TMEM101: variants seen among roughly 807,000 people sequenced by gnomAD.
TMEM101 encodes the protein transmembrane protein 101.
Under a neutral mutation model 26.0 loss-of-function variants are expected in TMEM101, and 14 were observed. The observed-to-expected ratio is 0.54, with a 90% CI of 0.36 to 0.84. TMEM101 has a LOEUF of 0.84. TMEM101 is among the 40% of genes least tolerant of loss of function. The pLI is 0.01. For missense variants in TMEM101, 292 were observed against 345.1 expected, an observed-to-expected ratio of 0.85 and a Z score of 1.22; for synonymous variants, 152 against 145.1, an observed-to-expected ratio of 1.05 and a Z score of -0.34.
chr17:44,015,120 C>T (rs1165487481), upstream of TMEM101: 2 of 851,994 alleles, frequency 2.3e-6, no homozygotes, highest in Non-Finnish European at 3.5e-6. Context: ...CCAGCCTTCT[C>T]GTCTGCTCAT....
intron 1 of TMEM101, 49 bp from the exon 2 acceptor site, chr17:44,014,586 G>T: frequency 6.4e-7 from 1 of 1,557,160 alleles, no homozygotes. Flanking sequence ...AAGCGGTGGG[G>T]GAAGAAGCTT....
intron 2 of TMEM101, among the ~76,000 whole-genome samples, chr17:44,014,100 T>C (rs2049195290): frequency 6.6e-6 from 1 of 152,184 alleles, no homozygotes; most frequent in South Asian, 2.1e-4. Context: ...GTCCCACCAG[T>C]ATCCTGTATT....
intron 2 of TMEM101, 80 bp downstream of exon 2, chr17:44,014,277 C>A: frequency 1.4e-6 from 2 of 1,468,678 alleles, no homozygotes; most frequent in South Asian, 1.3e-5. Flanking sequence ...CACCATTCAT[C>A]GCCCACCAAC....
At chr17:44,020,069 T>G (rs1412565939) in intron 2 of TMEM101, among the ~76,000 whole-genome samples, 1 of 152,198 alleles carries the variant, frequency 6.6e-6, no homozygotes, top group East Asian at 1.9e-4. Flanking sequence ...TGTTTGAATT[T>G]GTTGCTGAAG....
At chr17:44,017,709 G>A (rs1035261747), upstream of TMEM101, among the ~76,000 whole-genome samples, 2 of 150,950 alleles carry the variant, frequency 1.3e-5, no homozygotes, top group Non-Finnish European at 2.9e-5. Flanking sequence ...GTTGGAGTGA[G>A]CCAAGTTCGC....
chr17:44,014,766 C>A (rs1381511061), intron 1 of TMEM101, 50 bp downstream of exon 1: 12 of 1,523,140 alleles, frequency 7.9e-6, no homozygotes, highest in Admixed American at 2.2e-5. Flanking sequence ...CAATTTCTTG[C>A]CCACATCACC....
At chr17:44,014,592 A>G in intron 1 of TMEM101, 55 bp from the exon 2 acceptor site, 3 of 1,555,704 alleles carry the variant, frequency 1.9e-6, no homozygotes, top group Non-Finnish European at 2.6e-6. Flanking sequence ...TGGGGGAAGA[A>G]GCTTGAGACC....
chr17:44,013,286 G>A, intron 2 of TMEM101, 131 bp from the exon 3 acceptor site: 1 of 848,888 alleles, frequency 1.2e-6, no homozygotes, highest in Non-Finnish European at 1.6e-6. Flanking sequence ...TTCCAAGCTT[G>A]GTGGGCAGGT....
At chr17:44,020,288 G>A (rs890890595) in intron 2 of TMEM101, among the ~76,000 whole-genome samples, 1 of 152,200 alleles carries the variant, frequency 6.6e-6, no homozygotes, top group African/African-American at 2.4e-5. Flanking sequence ...CATACCTAGA[G>A]GGCCCCCCAG....
intron 1 of TMEM101, among the ~76,000 whole-genome samples, chr17:44,022,188 A>G (rs1322062253): frequency 4.6e-5 from 7 of 152,182 alleles, no homozygotes; most frequent in African/African-American, 1.7e-4. Flanking sequence ...AAATTCTAGT[A>G]TTTTAGCCTT....
At chr17:44,012,298 A>C in intron 3 of TMEM101, 62 bp from the exon 4 acceptor site, 1 of 1,494,318 alleles carries the variant, frequency 6.7e-7, no homozygotes, top group Non-Finnish European at 9.0e-7. Flanking sequence ...GGGGTAAACC[A>C]CCCCTGAGAT....
At chr17:44,022,179 A>T (rs1389673578) in intron 1 of TMEM101, among the ~76,000 whole-genome samples, 1 of 152,172 alleles carries the variant, frequency 6.6e-6, no homozygotes, top group Non-Finnish European at 1.5e-5. Context: ...AGGGGTTGCA[A>T]ATTCTAGTAT....
chr17:44,017,212 C>T (rs918144820), upstream of TMEM101, among the ~76,000 whole-genome samples: 2 of 151,068 alleles, frequency 1.3e-5, no homozygotes, highest in Non-Finnish European at 2.9e-5. Flanking sequence ...ATTATCCCAG[C>T]AGTTTGGGAG....
chr17:44,022,843 G>A (rs1326742151), intron 1 of TMEM101, among the ~76,000 whole-genome samples: 1 of 152,158 alleles, frequency 6.6e-6, no homozygotes, highest in Non-Finnish European at 1.5e-5. Flanking sequence ...TTCTGTGTGA[G>A]AGACGCATGA....
chr17:44,014,634 C>G lies in TMEM101; in HGVS notation c.138-97G>C, dbSNP rs957644235. 15 of 1,519,110 alleles carry G rather than the reference C, an allele frequency of 9.9e-6. No homozygotes were observed. In the Admixed American group the frequency reaches 1.3e-4, roughly 13 times the overall value. 94.1% of individuals were successfully genotyped at this position (1,519,110 alleles called of 1,614,324 possible). Reference sequence around the variant, plus strand: ...GTTCCCACAGGCTCCACTGCTCCCCCAAACCAGACTCCCCTCCCATGGGCA... The same window carrying G: ...GTTCCCACAGGCTCCACTGCTCCCCGAAACCAGACTCCCCTCCCATGGGCA... On this transcript the variant is annotated intron_variant, in intron 1 of 3. Coordinates refer to ENST00000206380, the MANE Select transcript of TMEM101 (RefSeq NM_032376.4).
chr17:44,022,751 G>T (rs896443303), intron 1 of TMEM101, among the ~76,000 whole-genome samples: 1 of 152,184 alleles, frequency 6.6e-6, no homozygotes, highest in Non-Finnish European at 1.5e-5. Context: ...GATATGGGAA[G>T]TCTCCAAGCT....
chr17:44,011,715 G>T lies in TMEM101; in HGVS notation c.*213C>A, dbSNP rs1390620448. On this transcript the variant is annotated 3_prime_UTR_variant, in exon 4 of 4. Transcript: ENST00000206380. ...TCCTAACAGGAAAAAAACCTGTACA[G>T]CATTAGTGCCAGGGCTCCTGCCCTC... 4 of 588,598 alleles carry T rather than the reference G, an allele frequency of 6.8e-6. No homozygotes were observed. The highest frequency in any genetic ancestry group is 1.2e-5 in the Non-Finnish European group (4 of 334,384). 36.5% of individuals were successfully genotyped at this position (588,598 alleles called of 1,614,324 possible). A position where few individuals can be genotyped will look rare whatever the true frequency, so the allele number is the denominator to read the frequency against.
upstream of TMEM101, chr17:44,015,097 C>T: frequency 8.5e-7 from 1 of 1,177,958 alleles, no homozygotes. Flanking sequence ...CTAAGGTGAC[C>T]CAGTTGCGAA....
intron 3 of TMEM101, chr17:44,012,768 CAG>C (rs1482595584): frequency 6.5e-5 from 28 of 433,944 alleles, no homozygotes; most frequent in Non-Finnish European, 9.8e-5. Flanking sequence ...TCCTGGCTCT[CAG>C]GGTTGAAATT....
Sources: gnomAD v4.1 joint callset for allele counts (sites outside exome capture counted in the v4.1 genomes callset) on GRCh38, gnomAD v4.1.1 for gene constraint, MANE v1.5 for transcripts, NCBI Gene and HGNC (gene_info 2026-07-23, HGNC 2026-07-21) for gene names.